COG5: variants seen among roughly 807,000 people sequenced by gnomAD.
COG5 encodes component of oligomeric golgi complex 5, also known as conserved oligomeric Golgi complex subunit 5.
In COG5, 86 loss-of-function variants were observed where a neutral mutation model predicts 110.4. The ratio of observed to expected loss-of-function variants is 0.78; its 90% CI spans 0.65 to 0.93. The LOEUF is 0.93. Among genes scored for constraint, COG5 ranks in the 40% least tolerant of loss-of-function variants. The probability of loss-of-function intolerance (pLI) is 0.00; values close to 1 mark genes in which losing one functional copy is unlikely to be tolerated. For missense variants in COG5, 1,077 were observed against 987.0 expected (o/e 1.09, Z -1.22); for synonymous variants, 360 against 334.6 (o/e 1.08, Z -0.83).
intron 11 of COG5, among the ~76,000 whole-genome samples, chr7:107,306,958 G>T (rs1204238567): frequency 6.6e-6 from 1 of 151,962 alleles, no homozygotes; most frequent in South Asian, 2.1e-4. Context: ...TGTATTTTTA[G>T]CACCTCACTT....
chr7:107,414,881 C>T (rs371906822), intron 6 of COG5, among the ~76,000 whole-genome samples: 1 of 151,658 alleles, frequency 6.6e-6, no homozygotes, highest in African/African-American at 2.4e-5. Context: ...GTGCACGTCA[C>T]GACGCCTGGC....
chr7:107,406,988 G>A (rs979135461), intron 7 of COG5, among the ~76,000 whole-genome samples: 21 of 152,122 alleles, frequency 1.4e-4, no homozygotes, highest in Non-Finnish European at 1.5e-5. Context: ...ATTTTCTGTA[G>A]AAATATTCAT....
In COG5 at chr7:107,523,116, T is replaced by C. The variant is rs114233739; in HGVS notation, c.538+4121A>G. 5.5e-3 allele frequency among the ~76,000 whole-genome samples: 845 copies of C among 152,356 alleles called. 8 individuals carry two copies. The highest frequency in any genetic ancestry group is 0.02 in the African/African-American group (813 of 41,590). On this transcript the variant is annotated intron_variant, in intron 6 of 21. Coordinates refer to ENST00000297135, the MANE Select transcript of COG5 (RefSeq NM_006348.5). The stretch of plus-strand genomic sequence containing the variant: ...AAGTTGGGAAGAACATACATCTTAA[T>C]AAACAATATTAAGTCTTCCAACTGA...
chr7:107,203,690 G>A (rs1798531843), intron 21 of COG5, 60 bp from the exon 22 acceptor site: 2 of 1,054,634 alleles, frequency 1.9e-6, no homozygotes, highest in South Asian at 2.5e-5. Flanking sequence ...AACAGTTAAG[G>A]GGATACCAAT....
At position 107,415,779 on chromosome 7, in the gene COG5, CACAT is replaced by C. The variant is rs1353588298; in HGVS notation, c.539-3151_539-3148del. On this transcript the variant is annotated intron_variant, in intron 6 of 21. Transcript: ENST00000297135. ...ATATGTATGTGTGTATATATACACA[CACAT>C]ACACGTATGTATGTATGTGTGTATA... 3.5e-5 allele frequency among the ~76,000 whole-genome samples: 5 copies of C among 141,040 alleles called. 1 individual carries two copies. The highest frequency in any genetic ancestry group is 1.5e-4 in the Admixed American group (2 of 13,728). 92.5% of individuals were successfully genotyped at this position (141,040 alleles called of 152,430 possible).
At chr7:107,519,898 A>C (rs1414730357) in intron 6 of COG5, among the ~76,000 whole-genome samples, 1 of 152,204 alleles carries the variant, frequency 6.6e-6, no homozygotes, top group African/African-American at 2.4e-5. Flanking sequence ...ATCCTCAATA[A>C]AATACTGGCA....
chr7:107,332,871 A>G (rs1346817231), intron 10 of COG5, among the ~76,000 whole-genome samples: 1 of 152,188 alleles, frequency 6.6e-6, no homozygotes, highest in Non-Finnish European at 1.5e-5. Context: ...AGAAGTTGAT[A>G]CCGGAGAAAA....
intron 17 of COG5, among the ~76,000 whole-genome samples, chr7:107,244,337 A>G (rs577449952): frequency 1.3e-5 from 2 of 152,338 alleles, no homozygotes; most frequent in South Asian, 2.1e-4. Context: ...CACTGTTAAG[A>G]GGAAAATTCA....
intron 3 of COG5, among the ~76,000 whole-genome samples, chr7:107,550,546 T>C (rs1245875576): frequency 6.6e-6 from 1 of 152,194 alleles, no homozygotes. Flanking sequence ...TAATTCCTGC[T>C]TTCCCATTTA....
chr7:107,536,298 G>C (rs996267979), intron 5 of COG5, among the ~76,000 whole-genome samples: 4 of 152,078 alleles, frequency 2.6e-5, no homozygotes, highest in South Asian at 2.1e-4. Context: ...AGAAATAAAG[G>C]GTATTCAAAT....
chr7:107,351,514 G>C (rs1301312022), intron 10 of COG5, among the ~76,000 whole-genome samples: 1 of 152,094 alleles, frequency 6.6e-6, no homozygotes, highest in East Asian at 1.9e-4. Flanking sequence ...CCATCAGAGT[G>C]AACAGGCAAC....
At chr7:107,515,051 G>A (rs571681533) in intron 6 of COG5, among the ~76,000 whole-genome samples, 3 of 151,934 alleles carry the variant, frequency 2.0e-5, no homozygotes, top group Admixed American at 2.0e-4. Flanking sequence ...CAAGCTACAG[G>A]GCTTATGTAT....
rs569646593 is a variant in COG5, at chr7:107,511,485, AT to A, written c.538+15751del. 3.9e-4 allele frequency among the ~76,000 whole-genome samples: 60 copies of A among 152,348 alleles called. No homozygotes were observed. In the East Asian group the frequency reaches 0.011, roughly 28 times the overall value. ...AGACGTACAAGGAGGAGCTGGTACC[AT>A]TCCTTCTGAAACTATTCCAATCAAT... On this transcript the variant is annotated intron_variant, in intron 6 of 21. Transcript: ENST00000297135.
intron 16 of COG5, among the ~76,000 whole-genome samples, chr7:107,249,574 G>A (rs1244048216): frequency 6.6e-6 from 1 of 151,518 alleles, no homozygotes; most frequent in East Asian, 1.9e-4. Flanking sequence ...AGATAGTTTT[G>A]GCTCATACAA....
intron 10 of COG5, among the ~76,000 whole-genome samples, chr7:107,350,483 A>C (rs1003509207): frequency 6.6e-6 from 1 of 152,200 alleles, no homozygotes; most frequent in Non-Finnish European, 1.5e-5. Context: ...CAGATACCTT[A>C]GATTCTTTAT....
At chr7:107,286,162 G>T (rs543032136) in intron 12 of COG5, among the ~76,000 whole-genome samples, 1 of 152,234 alleles carries the variant, frequency 6.6e-6, no homozygotes, top group African/African-American at 2.4e-5. Flanking sequence ...CAAGTACAAA[G>T]GCCCTGAGGA....
intron 5 of COG5, among the ~76,000 whole-genome samples, chr7:107,537,790 G>A (rs1461017933): frequency 6.6e-6 from 1 of 151,284 alleles, no homozygotes; most frequent in Non-Finnish European, 1.5e-5. Context: ...GAATAGACAT[G>A]TCTCCAAGGA....
chr7:107,236,296 T>C (rs1801182948), intron 18 of COG5, among the ~76,000 whole-genome samples, 154 bp downstream of exon 18: 1 of 133,842 alleles, frequency 7.5e-6, no homozygotes, highest in Admixed American at 7.5e-5. Flanking sequence ...ATCTTTAAAC[T>C]CTCCCTTTTT....
intron 6 of COG5, among the ~76,000 whole-genome samples, chr7:107,477,945 T>G (rs1584875344): frequency 6.6e-6 from 1 of 151,950 alleles, no homozygotes; most frequent in African/African-American, 2.4e-5. Context: ...TAATTCTTCC[T>G]GTTAGAATGA....
Sources: gnomAD v4.1 joint callset for allele counts (sites outside exome capture counted in the v4.1 genomes callset) on GRCh38, gnomAD v4.1.1 for gene constraint, MANE v1.5 for transcripts, NCBI Gene and HGNC (gene_info 2026-07-23, HGNC 2026-07-21) for gene names.